Variants in OR5B12 observed in about 807,000 individuals in gnomAD.
The protein encoded by OR5B12 is olfactory receptor family 5 subfamily B member 12.
For synonymous variants in OR5B12, 154 were observed against 138.0 expected, an observed-to-expected ratio of 1.12 and a Z score of -0.81; for missense variants, 418 against 377.0, an observed-to-expected ratio of 1.11 and a Z score of -0.90.
rs1855485499 is a variant in OR5B12 at position 58,440,102 on chromosome 11, TCAGTTAACCC to T, written c.40_49del (p.Gly14MetfsTer11). ...GAGTGGGATCTGCAGTTCTGGGTCA[TCAGTTAACCC>T]CACAAGGATGAATTCAGTCACCTCT... On this transcript the variant is annotated frameshift_variant, in exon 2 of 2. Transcript: ENST00000641921. LOFTEE classifies it low-confidence loss of function (END_TRUNC). 1.2e-6 allele frequency: 2 copies of T among 1,613,508 alleles called. No homozygotes were observed. The highest frequency in any genetic ancestry group is 1.7e-6 in the Non-Finnish European group (2 of 1,179,688).
Position 58,440,053 on chromosome 11 carries a change from G to A in OR5B12, c.99C>T (p.Tyr33=). 7 of 1,613,990 alleles carry A rather than the reference G, an allele frequency of 4.3e-6. No individual in the cohort carries two copies. Among genetic ancestry groups the A allele is most frequent in the Non-Finnish European group, 5.9e-6 (7 of 1,179,886 alleles). ...CCAGGTTCCCAACCAGAGTGATGAG[G>A]TAGATGAAAAGGAAGACTATGAAGA... ...IPLFIVFLFI[Y]LITLVGNLGM... is the part of the protein sequence containing the mutation. Residue 33 remains tyrosine, a synonymous_variant, in exon 2 of 2, where the codon TAC becomes TAT. Coordinates refer to ENST00000641921, the MANE Select transcript of OR5B12 (RefSeq NM_001004733.3).
At chr11:58,441,356 G>A (rs1239835353) in intron 1 of OR5B12, among the ~76,000 whole-genome samples, 1 of 152,008 alleles carries the variant, frequency 6.6e-6, no homozygotes, top group Non-Finnish European at 1.5e-5. Context: ...AAAATTTTAT[G>A]TTGATATTCC....
chr11:58,440,105 G>A lies in OR5B12; in HGVS notation c.47C>T (p.Thr16Ile). ...TGGGATCTGCAGTTCTGGGTCATCA[G>A]TTAACCCCACAAGGATGAATTCAGT... ...EVTEFILVGLTDDPELQIPLF... is the reference protein window; with the variant it reads ...EVTEFILVGLIDDPELQIPLF... Residue 16 changes from threonine (T) to isoleucine (I), a missense_variant, in exon 2 of 2, where the codon ACT becomes ATT. By Grantham distance (89) the Thr-to-Ile change is moderately conservative. Transcript: ENST00000641921. The A allele has an allele frequency of 6.2e-7, 1 of 1,613,292 alleles. No individual in the cohort carries two copies. The highest frequency in any genetic ancestry group is 2.2e-5 in the East Asian group (1 of 44,864).
Position 58,440,025 on chromosome 11 carries a change from T to C in OR5B12, c.127A>G (p.Met43Val), listed in dbSNP as rs1565161039. Residue 43 changes from methionine to valine, a missense_variant, in exon 2 of 2, where the codon ATG becomes GTG. Transcript: ENST00000641921. ...GAGTCCAGTAGAATCAATTCAATCATCCCCAGGTTCCCAACCAGAGTGATG... is the reference window on the plus strand; with the variant it reads ...GAGTCCAGTAGAATCAATTCAATCACCCCCAGGTTCCCAACCAGAGTGATG... ...YLITLVGNLG[M>V]IELILLDSCL... is the part of the protein sequence containing the mutation. The C allele has an allele frequency of 6.2e-7, 1 of 1,613,920 alleles. No individual in the cohort carries two copies. The highest frequency in any genetic ancestry group is 1.3e-5 in the African/African-American group (1 of 74,896).
chr11:58,440,176 G>T lies in OR5B12; in HGVS notation c.-19-6C>A. ...TTGGGAATTATGTAGCTGCCCTGTA[G>T]AAATGAAAAGGCAGAATCAGAATGA... On this transcript the variant is annotated splice_polypyrimidine_tract_variant and splice_region_variant and intron_variant, in intron 1 of 1. Transcript: ENST00000641921. The T allele has an allele frequency of 1.4e-6, 2 of 1,463,636 alleles. No homozygotes were observed. Among genetic ancestry groups the T allele is most frequent in the Non-Finnish European group, 1.9e-6 (2 of 1,070,570 alleles). The allele number at this position is 1,463,636 out of a possible 1,614,324, so 90.7% of individuals were successfully genotyped here. A position where few individuals can be genotyped will look rare whatever the true frequency, so the allele number is the denominator to read the frequency against.
rs755912542 is a variant in OR5B12 at position 58,439,385 on chromosome 11, A to T, written c.767T>A (p.Met256Lys). 1 of 1,614,020 alleles carries T rather than the reference A, an allele frequency of 6.2e-7. No individual in the cohort carries two copies. Among genetic ancestry groups the T allele is most frequent in the Admixed American group, 1.7e-5 (1 of 59,958 alleles). ...ATGGCTGGAGTTAGGTCGTAAGTACATAAAGATTCCTGTCCCATAAAAGAT... is the reference window on the plus strand; with the variant it reads ...ATGGCTGGAGTTAGGTCGTAAGTACTTAAAGATTCCTGTCCCATAAAAGAT... ...VSIFYGTGIF[M>K]YLRPNSSHFM... Residue 256 changes from methionine (M) to lysine (K), a missense_variant, in exon 2 of 2, where the codon ATG (methionine) becomes AAG (lysine). Physicochemically the swap from Met to Lys is moderately conservative, Grantham distance 95 (BLOSUM62 -1). Coordinates refer to ENST00000641921, the MANE Select transcript of OR5B12 (RefSeq NM_001004733.3).
At position 58,439,678 on chromosome 11, in the gene OR5B12, A is replaced by T; in HGVS notation, c.474T>A (p.Thr158=). The part of the protein sequence containing the change: ...ICGFLNASIH[T]GNTFRLSFCR... ...AGAAGGAGAGCCTGAAAGTGTTCCC[A>T]GTATGAATGGATGCATTCAGGAAAC... The change falls in exon 2 of 2, where the codon ACT becomes ACA. Residue 158 remains threonine (T), a synonymous_variant. Transcript: ENST00000641921. 3 of 1,614,126 alleles carry T rather than the reference A, an allele frequency of 1.9e-6. No individual in the cohort carries two copies. Among genetic ancestry groups the T allele is most frequent in the Non-Finnish European group, 2.5e-6 (3 of 1,179,960 alleles).
At chr11:58,440,854 G>C (rs1590717730) in intron 1 of OR5B12, among the ~76,000 whole-genome samples, 1 of 152,180 alleles carries the variant, frequency 6.6e-6, no homozygotes, top group African/African-American at 2.4e-5. Context: ...TAAATCTCTG[G>C]ATGTGTTCAT....
In OR5B12 at chr11:58,439,925, G is replaced by A. The variant is rs749236938; in HGVS notation, c.227C>T (p.Thr76Ile). ...GAGAAACCCCACCATCACCTTGGGA[G>A]TGACAGCTGAGGAATAACCAAAGTC... is the stretch of plus-strand genomic sequence containing the variant. The part of the protein sequence containing the change: ...LVDFGYSSAV[T>I]PKVMVGFLTG... Residue 76 changes from threonine to isoleucine, a missense_variant, in exon 2 of 2, where the codon ACT becomes ATT. Coordinates refer to ENST00000641921, the MANE Select transcript of OR5B12 (RefSeq NM_001004733.3). The A allele has an allele frequency of 6.2e-7, 1 of 1,614,096 alleles. No individual in the cohort carries two copies. The highest frequency in any genetic ancestry group is 8.5e-7 in the Non-Finnish European group (1 of 1,180,012).
Position 58,439,738 on chromosome 11 carries a change from T to C in OR5B12, c.414A>G (p.Val138=), listed in dbSNP as rs765315172. 2 of 1,614,034 alleles carry C rather than the reference T, an allele frequency of 1.2e-6. No homozygotes were observed. The highest frequency in any genetic ancestry group is 1.3e-5 in the African/African-American group (1 of 74,910). ...AGGAGCCTATGGCCAGGCAAGCACA[T>C]ACATTTGTTGTCATGGTGGTGGTGT... ...LHYTTTMTTN[V]CACLAIGSYI... Residue 138 remains valine, a synonymous_variant, in exon 2 of 2, where the codon GTA becomes GTG. Coordinates refer to ENST00000641921, the MANE Select transcript of OR5B12 (RefSeq NM_001004733.3).
Position 58,439,099 on chromosome 11 carries a change from A to G in OR5B12, c.*108T>C, listed in dbSNP as rs1456652840. ...GAAAGTATGGCCAATTCATATGTTT[A>G]AGAAAACAGTCAATAGAAACTGTCC... is the stretch of plus-strand genomic sequence containing the variant. On this transcript the variant is annotated 3_prime_UTR_variant, in exon 2 of 2. Transcript: ENST00000641921. 1.9e-6 allele frequency: 1 copy of G among 532,358 alleles called. No homozygotes were observed. The highest frequency in any genetic ancestry group is 3.3e-6 in the Non-Finnish European group (1 of 302,330). The allele number at this position is 532,358 out of a possible 1,614,324, so 33.0% of individuals were successfully genotyped here. A position where few individuals can be genotyped will look rare whatever the true frequency, so the allele number is the denominator to read the frequency against.
chr11:58,439,986 G>T lies in OR5B12; in HGVS notation c.166C>A (p.Pro56Thr), dbSNP rs200603797. The change falls in exon 2 of 2, where the codon CCC becomes ACC. Residue 56 changes from proline to threonine, a missense_variant. By Grantham distance (38) the Pro-to-Thr change is conservative. Coordinates refer to ENST00000641921, the MANE Select transcript of OR5B12 (RefSeq NM_001004733.3). ...AGGTTACTGAGGAAGAAGTACATGG[G>T]GGTGTGGAGACAGGAGTCCAGTAGA... ...LILLDSCLHT[P>T]MYFFLSNLSL... 1.1e-5 allele frequency: 17 copies of T among 1,614,128 alleles called. No homozygotes were observed. In the East Asian group the frequency reaches 3.6e-4, roughly 34 times the overall value.
chr11:58,440,879 T>C (rs929925015), intron 1 of OR5B12, among the ~76,000 whole-genome samples: 40 of 152,224 alleles, frequency 2.6e-4, no homozygotes, highest in Non-Finnish European at 1.5e-4. Context: ...TTATTCTCTC[T>C]ACAAGCTCTA....
At position 58,439,426 on chromosome 11, in the gene OR5B12, G is replaced by C. The variant is rs762200553; in HGVS notation, c.726C>G (p.His242Gln). Residue 242 changes from histidine to glutamine, a missense_variant, in exon 2 of 2, where the codon CAC becomes CAG. Transcript: ENST00000641921. ...CATAAAAGATGGAAACTGCAGTAAG[G>C]TGGGAAGCACAAGTAGAAAAGGCCT... ...RQKAFSTCAS[H>Q]LTAVSIFYGT... 6.2e-7 allele frequency: 1 copy of C among 1,613,946 alleles called. No homozygotes were observed. Among genetic ancestry groups the C allele is most frequent in the Non-Finnish European group, 8.5e-7 (1 of 1,180,004 alleles).
chr11:58,441,259 A>T (rs1855496530), intron 1 of OR5B12, among the ~76,000 whole-genome samples: 1 of 152,134 alleles, frequency 6.6e-6, no homozygotes, highest in Non-Finnish European at 1.5e-5. Context: ...ACTGGCTTGT[A>T]AGCCTGATTT....
chr11:58,440,991 G>A (rs1327328339), intron 1 of OR5B12, among the ~76,000 whole-genome samples: 2 of 152,146 alleles, frequency 1.3e-5, no homozygotes, highest in South Asian at 4.1e-4. Flanking sequence ...TAAATATTAT[G>A]TTTAAGTTCA....
In OR5B12 at chr11:58,439,316, A is replaced by C; in HGVS notation, c.836T>G (p.Val279Gly). The C allele has an allele frequency of 1.9e-6, 3 of 1,613,834 alleles. No individual in the cohort carries two copies. The highest frequency in any genetic ancestry group is 2.5e-6 in the Non-Finnish European group (3 of 1,179,784). ...GACCAGTGGATTCAACATGGGAATG[A>C]CTATGGCATAGAACACAGATGCCAT... ...DKMASVFYAI[V>G]IPMLNPLVYS... is the part of the protein sequence containing the mutation. The change falls in exon 2 of 2, where the codon GTC becomes GGC. Residue 279 changes from valine (V) to glycine (G), a missense_variant. Val to Gly is a moderately radical substitution (Grantham distance 109). Transcript: ENST00000641921.
intron 1 of OR5B12, among the ~76,000 whole-genome samples, chr11:58,440,593 A>C (rs1171354436): frequency 1.3e-5 from 2 of 152,210 alleles, no homozygotes; most frequent in African/African-American, 4.8e-5. Context: ...TAATTGACTG[A>C]CTGCCTGATG....
In OR5B12 at chr11:58,439,879, T is replaced by C; in HGVS notation, c.273A>G (p.Leu91=). 1 of 1,614,190 alleles carries C rather than the reference T, an allele frequency of 6.2e-7. No homozygotes were observed. The highest frequency in any genetic ancestry group is 8.5e-7 in the Non-Finnish European group (1 of 1,180,036). The part of the protein sequence containing the change: ...VGFLTGDKFI[L]YNACATQFFF... ...AGAATTGTGTGGCACAAGCATTATATAATATGAATTTGTCTCCTGTGAGAA... is the reference window on the plus strand; with the variant it reads ...AGAATTGTGTGGCACAAGCATTATACAATATGAATTTGTCTCCTGTGAGAA... The change falls in exon 2 of 2, where the codon TTA becomes TTG. Residue 91 remains leucine (L), a synonymous_variant. Transcript: ENST00000641921.
Sources: allele counts gnomAD v4.1 joint callset (sites outside exome capture counted in the v4.1 genomes callset), GRCh38; gene constraint gnomAD v4.1.1; transcripts MANE v1.5; gene names NCBI Gene and HGNC (gene_info 2026-07-23, HGNC 2026-07-21).